Variants in CHD9 observed in about 807,000 individuals in gnomAD.
CHD9 encodes chromodomain helicase DNA binding protein 9, also known as ATP-dependent chromatin remodeler CHD9.
CHD9 carries 77 observed loss-of-function variants against 316.1 expected under a neutral mutation model. That is an observed-to-expected ratio of 0.24 (90% CI 0.20 to 0.29). The LOEUF is 0.29. CHD9 is among the 10% of genes least tolerant of loss of function. The pLI is 1.00. For missense variants in CHD9, 2,763 were observed against 3,438.1 expected, an observed-to-expected ratio of 0.80 and a Z score of 4.91; for synonymous variants, 1,129 against 1,158.3, an observed-to-expected ratio of 0.97 and a Z score of 0.51.
intron 2 of CHD9, among the ~76,000 whole-genome samples, chr16:53,183,975 C>T (rs1336621112): frequency 1.3e-5 from 2 of 150,774 alleles, no homozygotes; most frequent in Non-Finnish European, 2.9e-5. Context: ...GACGGAGTCT[C>T]GCTCTGTCGC....
At chr16:53,092,838 G>T (rs1239142777) in intron 1 of CHD9, among the ~76,000 whole-genome samples, 1 of 152,100 alleles carries the variant, frequency 6.6e-6, no homozygotes, top group Non-Finnish European at 1.5e-5. Context: ...GAGTGCAGTG[G>T]TGTGACCAAG....
At chr16:53,209,334 C>G in intron 2 of CHD9, 148 bp from the exon 3 acceptor site, 2 of 599,382 alleles carry the variant, frequency 3.3e-6, no homozygotes, top group Non-Finnish European at 5.7e-6. Context: ...TCTTGATAAG[C>G]AAAATGTTTT....
rs117721761 is a variant in CHD9 at position 53,059,632 on chromosome 16, G to A, written c.-165+4555G>A. Among the ~76,000 whole-genome samples the A allele has an allele frequency of 9.6e-3, 1,455 of 152,216 alleles. 11 individuals carry two copies. Among genetic ancestry groups the A allele is most frequent in the Middle Eastern group, 0.037 (11 of 294 alleles). On this transcript the variant is annotated intron_variant, in intron 1 of 38. Transcript: ENST00000447540. The stretch of plus-strand genomic sequence containing the variant: ...CCCCCAAATACTAGGTCTGGGCATC[G>A]GCCTCCCCACTCATGGGGCAGCCAG...
chr16:53,080,562 G>A (rs964520606), intron 1 of CHD9, among the ~76,000 whole-genome samples: 1 of 152,150 alleles, frequency 6.6e-6, no homozygotes, highest in African/African-American at 2.4e-5. Context: ...TGAACACAAC[G>A]AGGGGGAAGA....
rs373061945 is a variant in CHD9, at chr16:53,306,315, G to C, written c.6698G>C (p.Ser2233Thr). The C allele has an allele frequency of 1.9e-6, 3 of 1,611,924 alleles. No homozygotes were observed. The African/African-American group carries it at 4.0e-5, about 22-fold the overall frequency. ...ACTACCCAGGATGAGACTCAGGATAGTTTTCAGATGAACAATGGGACACCA... is the reference window on the plus strand; with the variant it reads ...ACTACCCAGGATGAGACTCAGGATACTTTTCAGATGAACAATGGGACACCA... ...LSTTQDETQDSFQMNNGTPES... is the reference protein window; with the variant it reads ...LSTTQDETQDTFQMNNGTPES... Residue 2233 changes from serine to threonine, a missense_variant, in exon 32 of 39, where the codon AGT (serine) becomes ACT (threonine). Around this residue, in one of 15 missense-constraint regions of CHD9, gnomAD observed 663 missense variants for 751.2 expected, o/e 0.88. Coordinates refer to ENST00000447540, the MANE Select transcript of CHD9 (RefSeq NM_001308319.2).
Position 53,254,463 on chromosome 16 carries a change from G to C in CHD9, c.3887G>C (p.Gly1296Ala), listed in dbSNP as rs1414295706. ...GCCCAAGCTCGTTGCCACAGAATTG[G>C]TCAGAACAAAGCAGTTAAAGTCTAC... ...LQAQARCHRI[G>A]QNKAVKVYRL... Residue 1296 changes from glycine to alanine, a missense_variant, in exon 18 of 39, where the codon GGT becomes GCT. Coordinates refer to ENST00000447540, the MANE Select transcript of CHD9 (RefSeq NM_001308319.2). 1 of 1,599,644 alleles carries C rather than the reference G, an allele frequency of 6.3e-7. No individual in the cohort carries two copies. The highest frequency in any genetic ancestry group is 1.7e-5 in the Admixed American group (1 of 58,986).
rs1364497874 is a variant in CHD9 at position 53,324,065 on chromosome 16, G to A, written c.7864G>A (p.Val2622Ile). 4.3e-6 allele frequency: 7 copies of A among 1,613,730 alleles called. No homozygotes were observed. Among genetic ancestry groups the A allele is most frequent in the Non-Finnish European group, 5.1e-6 (6 of 1,179,718 alleles). Reference sequence around the variant, plus strand: ...GTATGAACGTATTCTCACTGGTCCCGTTGTGAGAGAGGAAGTAAGCAGGCG... The same window carrying A: ...GTATGAACGTATTCTCACTGGTCCCATTGTGAGAGAGGAAGTAAGCAGGCG... ...SMYERILTGP[V>I]VREEVSRRGR... is the part of the protein sequence containing the mutation. Residue 2622 changes from valine (V) to isoleucine (I), a missense_variant, in exon 39 of 39, where the codon GTT becomes ATT. Physicochemically the swap from Val to Ile is conservative, Grantham distance 29. Coordinates refer to ENST00000447540, the MANE Select transcript of CHD9 (RefSeq NM_001308319.2).
intron 1 of CHD9, among the ~76,000 whole-genome samples, chr16:53,092,451 A>G (rs1031130460): frequency 1.3e-5 from 2 of 152,204 alleles, no homozygotes; most frequent in Non-Finnish European, 2.9e-5. Context: ...GTTGTCACTC[A>G]GCTCTTTACC....
At chr16:53,284,037 CTTGT>C (rs1258238456) in intron 24 of CHD9, among the ~76,000 whole-genome samples, 5 of 152,168 alleles carry the variant, frequency 3.3e-5, no homozygotes, top group South Asian at 2.1e-4. Context: ...ATGTCGATCA[CTTGT>C]TTGTTTATTT....
At chr16:53,250,943 G>A (rs1402493199) in intron 17 of CHD9, among the ~76,000 whole-genome samples, 2 of 151,856 alleles carry the variant, frequency 1.3e-5, no homozygotes, top group Non-Finnish European at 2.9e-5. Context: ...TTTTAAACAA[G>A]CATAAAAACA....
chr16:53,302,991 T>C (rs1029803519), intron 30 of CHD9, among the ~76,000 whole-genome samples: 3 of 152,180 alleles, frequency 2.0e-5, no homozygotes, highest in African/African-American at 7.2e-5. Flanking sequence ...TGTGTTTCCC[T>C]AGAAATTTGA....
At chr16:53,235,772 C>T (rs2048568218) in intron 11 of CHD9, among the ~76,000 whole-genome samples, 1 of 151,864 alleles carries the variant, frequency 6.6e-6, no homozygotes, top group African/African-American at 2.4e-5. Flanking sequence ...ATTAATTACC[C>T]CATTTTTATT....
intron 10 of CHD9, among the ~76,000 whole-genome samples, chr16:53,233,936 G>A (rs1208597464): frequency 1.3e-5 from 2 of 152,078 alleles, no homozygotes; most frequent in South Asian, 2.1e-4. Context: ...CTCCTACTGA[G>A]ACCCTACTCA....
chr16:53,297,682 G>C (rs975213781), intron 30 of CHD9, among the ~76,000 whole-genome samples: 5 of 152,216 alleles, frequency 3.3e-5, no homozygotes, highest in African/African-American at 1.2e-4. Context: ...AAAGCCCAGA[G>C]ACATAGCTCA....
intron 1 of CHD9, among the ~76,000 whole-genome samples, chr16:53,072,541 T>G (rs1420580931): frequency 6.8e-6 from 1 of 147,856 alleles, no homozygotes; most frequent in African/African-American, 2.5e-5. Flanking sequence ...CCACCATGCC[T>G]GGCTAACTTT....
chr16:53,100,377 C>T (rs752209759), intron 1 of CHD9, among the ~76,000 whole-genome samples: 29 of 150,714 alleles, frequency 1.9e-4, no homozygotes, highest in Non-Finnish European at 3.8e-4. Flanking sequence ...GGGTATCACA[C>T]CTGTAAAAAG....
At chr16:53,296,933 T>G in intron 29 of CHD9, 23 bp from the exon 30 acceptor site, 1 of 1,568,188 alleles carries the variant, frequency 6.4e-7, no homozygotes, top group South Asian at 1.1e-5. Flanking sequence ...TGTGGTTTTT[T>G]TCTTTAATCT....
intron 2 of CHD9, among the ~76,000 whole-genome samples, chr16:53,197,790 T>C (rs779675364): frequency 1.3e-5 from 2 of 151,902 alleles, no homozygotes; most frequent in South Asian, 2.1e-4. Context: ...CCTGAGTAGA[T>C]AGGACTACAG....
chr16:53,270,760 CTTAGGTCAG>C (rs989228078), intron 22 of CHD9, among the ~76,000 whole-genome samples: 1 of 152,090 alleles, frequency 6.6e-6, no homozygotes, highest in African/African-American at 2.4e-5. Context: ...AGGGCTGAAT[CTTAGGTCAG>C]CAGTGGGAAA....
Sources: allele counts gnomAD v4.1 joint callset (sites outside exome capture counted in the v4.1 genomes callset), GRCh38; gene constraint gnomAD v4.1.1; regional missense constraint gnomAD v4.1.1; transcripts MANE v1.5; gene names NCBI Gene and HGNC (gene_info 2026-07-23, HGNC 2026-07-21).